Variants in RGS16 observed in about 807,000 individuals in gnomAD.
The protein encoded by RGS16 is regulator of G protein signaling 16.
RGS16 carries 12 observed loss-of-function variants against 18.1 expected under a neutral mutation model. The ratio of observed to expected loss-of-function variants is 0.66; its 90% CI spans 0.42 to 1.07. The LOEUF (loss-of-function observed/expected upper bound fraction) is 1.07. Ranked by LOEUF, RGS16 falls within the 50% of genes least tolerant of loss-of-function variation. RGS16 has a pLI of 0.00. For synonymous variants in RGS16, 88 were observed against 102.0 expected, an observed-to-expected ratio of 0.86 and a Z score of 0.83; for missense variants, 238 against 249.2, an observed-to-expected ratio of 0.95 and a Z score of 0.30.
chr1:182,603,164 C>G, intron 2 of RGS16, 65 bp downstream of exon 2: 1 of 1,171,682 alleles, frequency 8.5e-7, no homozygotes, highest in Non-Finnish European at 1.3e-6. Context: ...CCTGTATTTC[C>G]CTCCTCATGA....
rs1326632429 is a variant in RGS16 at position 182,602,466 on chromosome 1, A to T, written c.174T>A (p.Asp58Glu). ...HSKENRNFSE[D>E]VLGWRESFDL... ...CGAACGACTCTCTCCACCCCAGCACATCTTCTGAGAAGTTTCTACTAAAAG... is the reference window on the plus strand; with the variant it reads ...CGAACGACTCTCTCCACCCCAGCACTTCTTCTGAGAAGTTTCTACTAAAAG... The change falls in exon 3 of 5, where the codon GAT becomes GAA. Residue 58 changes from aspartate to glutamate, a missense_variant. Transcript: ENST00000367558. The T allele has an allele frequency of 6.2e-7, 1 of 1,613,778 alleles. No homozygotes were observed. The highest frequency in any genetic ancestry group is 1.7e-5 in the Admixed American group (1 of 59,994).
chr1:182,601,794 T>G (rs931779529), intron 4 of RGS16, 172 bp downstream of exon 4: 4 of 733,432 alleles, frequency 5.5e-6, no homozygotes, highest in Non-Finnish European at 9.1e-6. Context: ...CACCCAGGAG[T>G]GGCACTGGGC....
At chr1:182,601,715 A>C (rs1333588363) in intron 4 of RGS16, among the ~76,000 whole-genome samples, 1 of 152,198 alleles carries the variant, frequency 6.6e-6, no homozygotes, top group Non-Finnish European at 1.5e-5. Flanking sequence ...GGGTTTATAA[A>C]GGTGGGTATG....
intron 1 of RGS16, among the ~76,000 whole-genome samples, chr1:182,603,740 T>C (rs597880): frequency 0.32 from 49,244 of 151,668 alleles, 9,239 homozygotes; most frequent in Middle Eastern, 0.5. Context: ...CCAGTAAGGA[T>C]TGGAAGCTGT....
At position 182,604,220 on chromosome 1, in the gene RGS16, C is replaced by T. The variant is rs1342990765; in HGVS notation, c.40G>A (p.Glu14Lys). ...AGTTGGACAACCTCCCCTTACCTCT[C>T]CAGGCAGGTGGTGGGGAAGGCGGCC... ...TLAAFPTTCLERAKEFKTRLG... is the reference protein window; with the variant it reads ...TLAAFPTTCLKRAKEFKTRLG... Residue 14 changes from glutamate (E) to lysine (K), a missense_variant, in exon 1 of 5, where the codon GAG becomes AAG. By Grantham distance (56) the Glu-to-Lys change is moderately conservative (BLOSUM62 1). Coordinates refer to ENST00000367558, the MANE Select transcript of RGS16 (RefSeq NM_002928.4). 6.4e-7 allele frequency: 1 copy of T among 1,551,860 alleles called. No individual in the cohort carries two copies. Among genetic ancestry groups the T allele is most frequent in the African/African-American group, 1.4e-5 (1 of 73,104 alleles).
At position 182,600,324 on chromosome 1, in the gene RGS16, T is replaced by C. The variant is rs1571277881; in HGVS notation, c.577A>G (p.Ser193Gly). The change falls in exon 5 of 5, where the codon AGC becomes GGC. Residue 193 changes from serine to glycine, a missense_variant. Transcript: ENST00000367558. ...QASAASATLS[S>G]CSLDEPSHT ...TGTGAGGGCTCGTCCAGGCTGCAGC[T>C]GGACAGAGTGGCAGAGGCGGCTGAG... 2 of 1,613,850 alleles carry C rather than the reference T, an allele frequency of 1.2e-6. No individual in the cohort carries two copies. The highest frequency in any genetic ancestry group is 1.7e-6 in the Non-Finnish European group (2 of 1,179,992).
intron 4 of RGS16, among the ~76,000 whole-genome samples, 168 bp from the exon 5 acceptor site, chr1:182,600,681 T>C (rs1661850001): frequency 1.3e-5 from 2 of 152,210 alleles, no homozygotes. Context: ...TACCCACATC[T>C]GATCCAGTGT....
chr1:182,600,566 C>T, intron 4 of RGS16, 53 bp from the exon 5 acceptor site: 1 of 1,512,240 alleles, frequency 6.6e-7, no homozygotes, highest in Non-Finnish European at 9.2e-7. Context: ...GTGGGCATGG[C>T]TGAGGGAGGG....
chr1:182,601,279 C>T (rs566950609), intron 4 of RGS16, among the ~76,000 whole-genome samples: 3 of 152,296 alleles, frequency 2.0e-5, no homozygotes, highest in African/African-American at 7.2e-5. Flanking sequence ...CATAGCTCAT[C>T]ACCTGGCATA....
chr1:182,602,864 A>T (rs566693900), intron 2 of RGS16, among the ~76,000 whole-genome samples: 192 of 152,354 alleles, frequency 1.3e-3, no homozygotes, highest in African/African-American at 3.3e-3. Context: ...AGTTTGGTAC[A>T]GTTGATAGCC....
chr1:182,600,156 A>ATTTTTTTTT lies in RGS16; in HGVS notation c.*127_*135dup. 2 of 329,814 alleles carry ATTTTTTTTT rather than the reference A, an allele frequency of 6.1e-6. 1 individual carries two copies. Among genetic ancestry groups the ATTTTTTTTT allele is most frequent in the South Asian group, 4.7e-5 (2 of 42,144 alleles). The allele number at this position is 329,814 out of a possible 1,614,324, so 20.4% of individuals were successfully genotyped here. A position where few individuals can be genotyped will look rare whatever the true frequency, so the allele number is the denominator to read the frequency against. ...CTTCCCAAACAGGCTGCTGGAGCGC[A>ATTTTTTTTT]TTTTTTTTTTTTTTTTTTTTTTTTT... is the stretch of plus-strand genomic sequence containing the variant. On this transcript the variant is annotated 3_prime_UTR_variant, in exon 5 of 5. Coordinates refer to ENST00000367558, the MANE Select transcript of RGS16 (RefSeq NM_002928.4).
chr1:182,604,215 C>A lies in RGS16; in HGVS notation c.44+1G>T. 7 of 1,551,914 alleles carry A rather than the reference C, an allele frequency of 4.5e-6. No homozygotes were observed. Among genetic ancestry groups the A allele is most frequent in the Non-Finnish European group, 6.1e-6 (7 of 1,147,030 alleles). On this transcript the variant is annotated splice_donor_variant, in intron 1 of 4. Transcript: ENST00000367558. LOFTEE classifies it high-confidence loss of function. ...CAAGCAGTTGGACAACCTCCCCTTACCTCTCCAGGCAGGTGGTGGGGAAGG... is the reference window on the plus strand; with the variant it reads ...CAAGCAGTTGGACAACCTCCCCTTAACTCTCCAGGCAGGTGGTGGGGAAGG...
intron 4 of RGS16, among the ~76,000 whole-genome samples, chr1:182,601,581 A>G (rs1243910675): frequency 1.3e-5 from 2 of 152,256 alleles, no homozygotes; most frequent in Non-Finnish European, 2.9e-5. Context: ...AGACAAAAAA[A>G]TCACAGACCA....
chr1:182,602,551 C>G (rs771781445), intron 2 of RGS16, 67 bp from the exon 3 acceptor site: 15 of 1,277,750 alleles, frequency 1.2e-5, no homozygotes, highest in Non-Finnish European at 1.6e-5. Flanking sequence ...AGTACAAATT[C>G]TAGCCAGAAC....
Position 182,600,784 on chromosome 1 carries a change from C to T in RGS16, c.388-271G>A, listed in dbSNP as rs150211320. Among the ~76,000 whole-genome samples, 394 of 152,326 alleles carry T rather than the reference C, an allele frequency of 2.6e-3. 1 individual carries two copies. Among genetic ancestry groups the T allele is most frequent in the African/African-American group, 9.2e-3 (383 of 41,580 alleles). On this transcript the variant is annotated intron_variant, in intron 4 of 4. Transcript: ENST00000367558. ...CACCCTTTCTTCTACAGCAACCCTG[C>T]TTCAAGTCACTATCAGCTCTCCTGG...
At chr1:182,603,050 C>T (rs911159532) in intron 2 of RGS16, among the ~76,000 whole-genome samples, 179 bp downstream of exon 2, 2 of 152,198 alleles carry the variant, frequency 1.3e-5, no homozygotes, top group East Asian at 3.9e-4. Flanking sequence ...GAGCCACCTA[C>T]CCACTCACCC....
At chr1:182,604,144 C>T in intron 1 of RGS16, 72 bp downstream of exon 1, 2 of 1,515,188 alleles carry the variant, frequency 1.3e-6, no homozygotes, top group Non-Finnish European at 1.8e-6. Context: ...CCACCCAGGT[C>T]CCCAGGCCTG....
chr1:182,603,319 C>T lies in RGS16; in HGVS notation c.65G>A (p.Arg22His), dbSNP rs753151197. 44 of 1,613,964 alleles carry T rather than the reference C, an allele frequency of 2.7e-5. 1 individual carries two copies. Among genetic ancestry groups the T allele is most frequent in the South Asian group, 8.8e-5 (8 of 91,076 alleles). Residue 22 changes from arginine to histidine, a missense_variant, in exon 2 of 5, where the codon CGT becomes CAT. Transcript: ENST00000367558. The stretch of plus-strand genomic sequence containing the variant: ...TGATTTGTGAAGAAAGATCCCCAGA[C>T]GTGTCTTGAACTCTTTGGCTCTGAA... ...CLERAKEFKT[R>H]LGIFLHKSEL...
chr1:182,602,296 T>A (rs1661879019), intron 3 of RGS16, 124 bp downstream of exon 3: 2 of 1,076,218 alleles, frequency 1.9e-6, no homozygotes, highest in Non-Finnish European at 2.8e-6. Flanking sequence ...CACTAGGGGA[T>A]CATTATTATT....
Sources: gnomAD v4.1 joint callset for allele counts (sites outside exome capture counted in the v4.1 genomes callset) on GRCh38, gnomAD v4.1.1 for gene constraint, MANE v1.5 for transcripts, NCBI Gene and HGNC (gene_info 2026-07-23, HGNC 2026-07-21) for gene names.